The following ZNF274 variants were observed in gnomAD, a reference collection of about 807,000 sequenced individuals.
The protein encoded by ZNF274 is zinc finger protein 274.
Under a neutral mutation model 42.5 loss-of-function variants are expected in ZNF274, and 23 were observed. That is an observed-to-expected ratio of 0.54 (90% CI 0.39 to 0.77). ZNF274 has a LOEUF of 0.77. Ranked by LOEUF, ZNF274 falls within the 30% of genes least tolerant of loss-of-function variation. The pLI is 0.00. For missense variants in ZNF274, 679 were observed against 806.5 expected (o/e 0.84, Z 1.91); for synonymous variants, 292 against 305.4 (o/e 0.96, Z 0.46).
Position 58,206,865 on chromosome 19 carries a change from AG to A in ZNF274, c.403del (p.Asp135MetfsTer4). On this transcript the variant is annotated frameshift_variant, in exon 5 of 8. Coordinates refer to ENST00000617501, the MANE Select transcript of ZNF274 (RefSeq NM_133502.3). LOFTEE classifies it high-confidence loss of function. ...CCCAGATCCAGGCCCTATATGCTGAAGATGGAAGCCTGAGTGCAGATGCCCC... is the reference window on the plus strand; with the variant it reads ...CCCAGATCCAGGCCCTATATGCTGAAATGGAAGCCTGAGTGCAGATGCCCC... ...NAQIQALYAE[D>X]GSLSADAPSE... The A allele has an allele frequency of 1.2e-6, 2 of 1,613,964 alleles. No individual in the cohort carries two copies. The highest frequency in any genetic ancestry group is 1.7e-6 in the Non-Finnish European group (2 of 1,179,854).
rs1202760088 is a variant in ZNF274, at chr19:58,213,081, C to T, written c.1900C>T (p.Leu634Phe). 12 of 1,614,082 alleles carry T rather than the reference C, an allele frequency of 7.4e-6. No homozygotes were observed. Among genetic ancestry groups the T allele is most frequent in the South Asian group, 3.3e-5 (3 of 91,084 alleles). ...AAAGGCCTTCACCCAGAGCTCACAC[C>T]TTATTGGGCACCAGAGAACCCACAA... is the stretch of plus-strand genomic sequence containing the variant. ...CGKAFTQSSH[L>F]IGHQRTHNRT... Residue 634 changes from leucine to phenylalanine, a missense_variant, in exon 8 of 8, where the codon CTT becomes TTT. This residue lies in a region of ZNF274 where 456 missense variants were observed against 590.1 expected (regional missense o/e 0.77). Transcript: ENST00000617501.
chr19:58,188,688 G>GTATATATATA (rs1568697739), intron 4 of ZNF274, among the ~76,000 whole-genome samples: 2 of 52,980 alleles, frequency 3.8e-5, no homozygotes, highest in Non-Finnish European at 3.4e-5. Context: ...ATATATATAT[G>GTATATATATA]TATATGTATA....
chr19:58,192,974 C>T (rs2075795896), intron 4 of ZNF274, among the ~76,000 whole-genome samples: 1 of 152,126 alleles, frequency 6.6e-6, no homozygotes, highest in Non-Finnish European at 1.5e-5. Flanking sequence ...AAGCAATCCT[C>T]CCCGCGTCAG....
intron 4 of ZNF274, among the ~76,000 whole-genome samples, chr19:58,205,450 C>T (rs745418724): frequency 6.6e-6 from 1 of 152,098 alleles, no homozygotes; most frequent in Non-Finnish European, 1.5e-5. Flanking sequence ...GCCCAAGCAG[C>T]CCTCCTGCCT....
intron 2 of ZNF274, chr19:58,184,274 GACAGGTC>G (rs1251993986): frequency 2.6e-6 from 1 of 384,494 alleles, no homozygotes; most frequent in Non-Finnish European, 4.7e-6. Flanking sequence ...AAGAGTAATT[GACAGGTC>G]TTTTGTTTGT....
At chr19:58,184,342 T>G (rs1018286814) in intron 2 of ZNF274, 2 of 214,914 alleles carry the variant, frequency 9.3e-6, no homozygotes, top group Non-Finnish European at 1.9e-5. Flanking sequence ...CAGGCTGGAG[T>G]GCAGTGGCGC....
rs957632932 is a variant in ZNF274, at chr19:58,206,989, C to T, written c.526C>T (p.Arg176Trp). The T allele has an allele frequency of 4.3e-6, 7 of 1,609,372 alleles. No homozygotes were observed. The highest frequency in any genetic ancestry group is 3.4e-6 in the Non-Finnish European group (4 of 1,177,984). ...CCGTTATAAGGACATGACAGGTCCC[C>T]GGGAGGCCCTGGACCAGCTCCGAGA... ...QFRYKDMTGP[R>W]EALDQLRELC... The change falls in exon 5 of 8, where the codon CGG (arginine) becomes TGG (tryptophan). Residue 176 changes from arginine (R) to tryptophan (W), a missense_variant. By Grantham distance (101) the Arg-to-Trp change is moderately radical (BLOSUM62 -3). Transcript: ENST00000617501.
intron 4 of ZNF274, among the ~76,000 whole-genome samples, chr19:58,189,373 C>T (rs949264776): frequency 1.3e-5 from 2 of 152,182 alleles, no homozygotes; most frequent in African/African-American, 2.4e-5. Flanking sequence ...GTCCTCCTGA[C>T]TCAGACTCCC....
At chr19:58,193,938 C>G (rs2075808188) in intron 4 of ZNF274, among the ~76,000 whole-genome samples, 1 of 151,512 alleles carries the variant, frequency 6.6e-6, no homozygotes, top group Admixed American at 6.6e-5. Flanking sequence ...AAAAATATAT[C>G]TATATCTATA....
intron 4 of ZNF274, among the ~76,000 whole-genome samples, chr19:58,187,435 T>C (rs980491858): frequency 2.6e-5 from 4 of 152,292 alleles, no homozygotes; most frequent in African/African-American, 7.2e-5. Context: ...TCAGCTTCTT[T>C]TTGTTTTGGA....
At chr19:58,203,338 CTT>C (rs1430161416) in intron 4 of ZNF274, among the ~76,000 whole-genome samples, 1 of 152,124 alleles carries the variant, frequency 6.6e-6, no homozygotes, top group Non-Finnish European at 1.5e-5. Context: ...AATCCCAGCA[CTT>C]TGGGAGGCCG....
In ZNF274 at chr19:58,212,533, G is replaced by A. The variant is rs746571956; in HGVS notation, c.1352G>A (p.Arg451His). 23 of 1,613,818 alleles carry A rather than the reference G, an allele frequency of 1.4e-5. No homozygotes were observed. The East Asian group carries it at 2.4e-4, about 17-fold the overall frequency. Residue 451 changes from arginine to histidine, a missense_variant, in exon 8 of 8, where the codon CGC (arginine) becomes CAC (histidine). Coordinates refer to ENST00000617501, the MANE Select transcript of ZNF274 (RefSeq NM_133502.3). The surrounding 1 kb of genome is among the most constrained non-coding windows in gnomAD (Gnocchi z 4.6). ...LHKIPPRKRLRKRDSQVKSMK... is the reference protein window; with the variant it reads ...LHKIPPRKRLHKRDSQVKSMK... ...AAAATTCCTCCTAGAAAACGATTGCGCAAACGTGACTCACAAGTTAAAAGT... is the reference window on the plus strand; with the variant it reads ...AAAATTCCTCCTAGAAAACGATTGCACAAACGTGACTCACAAGTTAAAAGT...
chr19:58,199,857 C>T (rs2075889634), intron 4 of ZNF274, among the ~76,000 whole-genome samples: 2 of 152,134 alleles, frequency 1.3e-5, no homozygotes, highest in African/African-American at 4.8e-5. Context: ...GTTGTAAGTG[C>T]TGGAGTGTGG....
At chr19:58,190,829 G>C (rs971200719) in intron 4 of ZNF274, among the ~76,000 whole-genome samples, 5 of 152,090 alleles carry the variant, frequency 3.3e-5, no homozygotes, top group African/African-American at 1.2e-4. Context: ...CCCACTTCTG[G>C]CAGTATTGAG....
intron 2 of ZNF274, 82 bp downstream of exon 2, chr19:58,184,080 G>A: frequency 6.8e-7 from 1 of 1,471,422 alleles, no homozygotes; most frequent in Non-Finnish European, 9.3e-7. Context: ...CACCTTCCCT[G>A]AGATACCCCC....
At chr19:58,185,882 A>G in intron 3 of ZNF274, 44 bp downstream of exon 3, 2 of 1,330,108 alleles carry the variant, frequency 1.5e-6, no homozygotes, top group Non-Finnish European at 1.9e-6. Context: ...GCTTTGTAGC[A>G]CAAATGTAGC....
intron 4 of ZNF274, among the ~76,000 whole-genome samples, chr19:58,188,686 A>ATATG (rs2075736706): frequency 1.4e-5 from 1 of 69,456 alleles, no homozygotes; most frequent in Non-Finnish European, 2.5e-5. Context: ...GTATATATAT[A>ATATG]TGTATATGTA....
intron 4 of ZNF274, among the ~76,000 whole-genome samples, chr19:58,195,939 A>G (rs1471277004): frequency 6.6e-6 from 1 of 152,144 alleles, no homozygotes; most frequent in Non-Finnish European, 1.5e-5. Flanking sequence ...GCCTGGTACC[A>G]GTTTATGGCC....
intron 4 of ZNF274, among the ~76,000 whole-genome samples, chr19:58,188,623 ATATATATATAT>A (rs2075732775): frequency 9.2e-5 from 2 of 21,678 alleles, no homozygotes; most frequent in African/African-American, 3.0e-4. Context: ...AAAAAAAAAT[ATATATATATAT>A]ATATATATAT....
Sources: gnomAD v4.1 joint callset for allele counts (sites outside exome capture counted in the v4.1 genomes callset) on GRCh38, gnomAD v4.1.1 for gene constraint, gnomAD v4.1.1 regional missense constraint, Gnocchi (gnomAD v3.1) non-coding constraint, MANE v1.5 for transcripts, NCBI Gene and HGNC (gene_info 2026-07-23, HGNC 2026-07-21) for gene names.